Variants in B4GALT1 observed in about 807,000 individuals in gnomAD.
The protein encoded by B4GALT1 is N-acetyllactosamine synthase.
B4GALT1 carries 16 observed loss-of-function variants against 34.9 expected under a neutral mutation model. The ratio of observed to expected loss-of-function variants is 0.46; its 90% confidence interval spans 0.31 to 0.70. The LOEUF (loss-of-function observed/expected upper bound fraction) is 0.70, where lower values mean the gene tolerates loss of function less well. Among genes scored for constraint, B4GALT1 ranks in the 30% least tolerant of loss-of-function variants. The pLI, the probability that B4GALT1 is intolerant of heterozygous loss-of-function variation, is 0.05. For missense variants in B4GALT1, 445 were observed against 530.5 expected (o/e 0.84, Z 1.58); for synonymous variants, 221 against 218.1 (o/e 1.01, Z -0.12).
chr9:33,179,337 C>G, the B4GALT1 span: 18 of 152,206 alleles, frequency 1.2e-4, no homozygotes, highest in Admixed American at 6.5e-5. Context: ...TCCTGTTCTT[C>G]CCAACCTGCG....
intron 5 of B4GALT1, 80 bp from the exon 6 acceptor site, chr9:33,113,666 T>C: frequency 3.7e-6 from 6 of 1,609,224 alleles, no homozygotes; most frequent in Non-Finnish European, 5.1e-6. Flanking sequence ...TCCTCCTCCC[T>C]CTCCACTGTA....
intron 1 of B4GALT1, among the ~76,000 whole-genome samples, chr9:33,144,551 T>C (rs899328185): frequency 2.0e-5 from 3 of 152,220 alleles, no homozygotes; most frequent in East Asian, 1.9e-4. Context: ...TTTCTCTTTT[T>C]CTGATTTTAA....
At chr9:33,161,025 CT>C (rs1840667517) in intron 1 of B4GALT1, among the ~76,000 whole-genome samples, 2 of 150,790 alleles carry the variant, frequency 1.3e-5, no homozygotes, top group Non-Finnish European at 3.0e-5. Context: ...AAGTCATTCT[CT>C]CTCTCTCTCT....
intron 2 of B4GALT1, chr9:33,104,798 A>G: frequency 2.3e-6 from 1 of 435,812 alleles, no homozygotes; most frequent in Non-Finnish European, 4.5e-6. Context: ...TAAAATACAC[A>G]TAACAGAAAA....
At chr9:33,173,241 C>T in the B4GALT1 span, among the ~76,000 whole-genome samples, 2 of 151,820 alleles carry the variant, frequency 1.3e-5, no homozygotes, top group African/African-American at 2.4e-5. Context: ...CCATCTCTAC[C>T]AAAAATACAA....
At chr9:33,171,162 T>C (rs1433899008), upstream of B4GALT1, among the ~76,000 whole-genome samples, 1 of 152,270 alleles carries the variant, frequency 6.6e-6, no homozygotes, top group Admixed American at 6.5e-5. Context: ...CAAAACTTAC[T>C]GTTTTGAAGC....
chr9:33,121,546 T>A lies in B4GALT1; in HGVS notation c.649-940A>T, dbSNP rs534658548. ...CCCGGCTTTTTTTTTTTTTTTTTTT[T>A]AATTTTCAGTAGAGATGGGTTTCAC... On this transcript the variant is annotated intron_variant, in intron 2 of 5. Transcript: ENST00000379731. Among the ~76,000 whole-genome samples the A allele has an allele frequency of 2.5e-4, 35 of 141,380 alleles. No homozygotes were observed. In the South Asian group the frequency reaches 2.6e-3, roughly 11 times the overall value. The allele number at this position is 141,380 out of a possible 152,430, so 92.8% of individuals were successfully genotyped here. A position where few individuals can be genotyped will look rare whatever the true frequency, so the allele number is the denominator to read the frequency against.
chr9:33,117,918 A>C (rs1451815440), intron 3 of B4GALT1, among the ~76,000 whole-genome samples: 2 of 152,222 alleles, frequency 1.3e-5, no homozygotes, highest in Admixed American at 6.5e-5. Flanking sequence ...AGAGGGAAGT[A>C]CATGCCAAGC....
chr9:33,150,060 T>C (rs1840487535), intron 1 of B4GALT1, among the ~76,000 whole-genome samples: 1 of 152,026 alleles, frequency 6.6e-6, no homozygotes, highest in South Asian at 2.1e-4. Context: ...TATGTTTATA[T>C]ATATATTTTT....
upstream of B4GALT1, among the ~76,000 whole-genome samples, chr9:33,168,303 CTT>C (rs1840802727): frequency 6.6e-6 from 1 of 152,208 alleles, no homozygotes; most frequent in Non-Finnish European, 1.5e-5. Flanking sequence ...GGGTGAGAGA[CTT>C]AGGCACTGAA....
At chr9:33,146,947 C>G (rs536596456) in intron 1 of B4GALT1, among the ~76,000 whole-genome samples, 1 of 152,140 alleles carries the variant, frequency 6.6e-6, no homozygotes, top group African/African-American at 2.4e-5. Context: ...GTGATCCACC[C>G]GCCTCAGCCT....
chr9:33,162,872 T>C (rs1840693614), intron 1 of B4GALT1, among the ~76,000 whole-genome samples: 1 of 152,130 alleles, frequency 6.6e-6, no homozygotes, highest in African/African-American at 2.4e-5. Flanking sequence ...AGCGACCAAG[T>C]TTCACCATGA....
chr9:33,156,006 T>C (rs1298790056), intron 1 of B4GALT1, among the ~76,000 whole-genome samples: 1 of 152,016 alleles, frequency 6.6e-6, no homozygotes, highest in Non-Finnish European at 1.5e-5. Context: ...CCATATTAAG[T>C]CACAACTGAC....
intron 1 of B4GALT1, among the ~76,000 whole-genome samples, chr9:33,140,261 T>A (rs1371156956): frequency 6.6e-6 from 1 of 152,132 alleles, no homozygotes; most frequent in Non-Finnish European, 1.5e-5. Flanking sequence ...GGCCAGTGGG[T>A]CGAAAGAAGC....
At chr9:33,106,269 G>T (rs77213180), downstream of B4GALT1, among the ~76,000 whole-genome samples, 1 of 152,136 alleles carries the variant, frequency 6.6e-6, no homozygotes, top group Non-Finnish European at 1.5e-5. Flanking sequence ...GCCTTCTTAA[G>T]GTCAGGAAAT....
At chr9:33,106,681 G>A (rs952148980), downstream of B4GALT1, among the ~76,000 whole-genome samples, 1 of 152,210 alleles carries the variant, frequency 6.6e-6, no homozygotes, top group Non-Finnish European at 1.5e-5. Context: ...AGGGAGGCAG[G>A]GAGGGAGGAG....
At chr9:33,114,457 A>G (rs1354457909) in intron 4 of B4GALT1, among the ~76,000 whole-genome samples, 1 of 152,212 alleles carries the variant, frequency 6.6e-6, no homozygotes, top group Non-Finnish European at 1.5e-5. Flanking sequence ...TAAGTCACAG[A>G]GGCCTTCTCA....
At chr9:33,105,256 C>T (rs1182510658) in intron 2 of B4GALT1, among the ~76,000 whole-genome samples, 2 of 152,226 alleles carry the variant, frequency 1.3e-5, no homozygotes, top group African/African-American at 4.8e-5. Context: ...TCTCCTGCCT[C>T]AGCCTCCCTA....
chr9:33,170,745 C>T (rs532644933), upstream of B4GALT1, among the ~76,000 whole-genome samples: 7 of 152,346 alleles, frequency 4.6e-5, no homozygotes, highest in East Asian at 1.9e-4. Flanking sequence ...GCCCAGAAAC[C>T]TTTGGGACAA....
Sources: allele counts gnomAD v4.1 joint callset (sites outside exome capture counted in the v4.1 genomes callset), GRCh38; gene constraint gnomAD v4.1.1; transcripts MANE v1.5; gene names NCBI Gene and HGNC (gene_info 2026-07-23, HGNC 2026-07-21).